The following MEIOSIN variants were observed in gnomAD, a reference collection of about 807,000 sequenced individuals.
The protein encoded by MEIOSIN is meiosis initiator.
Under a neutral mutation model 23.4 loss-of-function variants are expected in MEIOSIN, and 18 were observed. The observed-to-expected ratio is 0.77, with a 90% CI of 0.53 to 1.14. The LOEUF is 1.14. Among genes scored for constraint, MEIOSIN ranks in the 50% most tolerant of loss-of-function variants. MEIOSIN has a pLI of 0.00. For missense variants in MEIOSIN, 428 were observed against 242.9 expected (o/e 1.76, Z -5.07); for synonymous variants, 187 against 100.6 (o/e 1.86, Z -5.14).
chr19:45,740,974 G>A (rs893501729), intron 3 of MEIOSIN, among the ~76,000 whole-genome samples: 6 of 151,884 alleles, frequency 4.0e-5, no homozygotes, highest in African/African-American at 1.2e-4. Flanking sequence ...ATTATTCCAG[G>A]ACTTAAGGGA....
In MEIOSIN at chr19:45,750,716, C is replaced by G. The variant is rs1450431348; in HGVS notation, c.348C>G (p.Leu116=). 1.6e-6 allele frequency: 1 copy of G among 641,824 alleles called. No individual in the cohort carries two copies. Among genetic ancestry groups the G allele is most frequent in the East Asian group, 3.0e-5 (1 of 33,394 alleles). 39.8% of individuals were successfully genotyped at this position (641,824 alleles called of 1,614,324 possible). A position where few individuals can be genotyped will look rare whatever the true frequency, so the allele number is the denominator to read the frequency against. ...LVHVLQYIQY[L]QRNIDAAKAL... ...ATGTCCTGCAGTACATTCAGTACCT[C>G]CAGAGAAACATCGATGCCGCCAAGG... The change falls in exon 5 of 15, where the codon CTC becomes CTG. Residue 116 remains leucine (L), a synonymous_variant. Transcript: ENST00000457052.
At chr19:45,742,057 G>A (rs933577126) in intron 3 of MEIOSIN, among the ~76,000 whole-genome samples, 1 of 151,962 alleles carries the variant, frequency 6.6e-6, no homozygotes, top group African/African-American at 2.4e-5. Context: ...TGTATTTTTA[G>A]TAGAGACAAG....
chr19:45,754,434 G>A (rs1968774908), intron 6 of MEIOSIN, 45 bp from the exon 7 acceptor site: 1 of 678,100 alleles, frequency 1.5e-6, no homozygotes, highest in East Asian at 2.7e-5. Flanking sequence ...GTGACAGGCA[G>A]GTGACTCCCA....
chr19:45,735,238 G>A, intron 1 of MEIOSIN, 139 bp from the exon 2 acceptor site: 2 of 556,022 alleles, frequency 3.6e-6, no homozygotes, highest in East Asian at 6.0e-5. Context: ...ATAATTTGTT[G>A]GGGCTAGGGA....
intron 5 of MEIOSIN, among the ~76,000 whole-genome samples, chr19:45,753,322 C>T (rs1447959155): frequency 6.6e-6 from 1 of 152,082 alleles, no homozygotes; most frequent in East Asian, 1.9e-4. Context: ...GCTAGGAGAC[C>T]CTCACTGTGT....
chr19:45,756,080 T>TAA lies in MEIOSIN; in HGVS notation c.911+3_911+4dup. ...CAACAAGACCCAGCCCCATCCCAGG[T>TAA]AAGGGCGTCCCCAGGGCACTGAGTG... On this transcript the variant is annotated splice_region_variant and intron_variant, in intron 8 of 14. Transcript: ENST00000457052. 1.4e-6 allele frequency: 1 copy of TAA among 702,666 alleles called. No homozygotes were observed. Among genetic ancestry groups the TAA allele is most frequent in the Non-Finnish European group, 2.6e-6 (1 of 384,942 alleles). The allele number at this position is 702,666 out of a possible 1,614,324, so 43.5% of individuals were successfully genotyped here. A position where few individuals can be genotyped will look rare whatever the true frequency, so the allele number is the denominator to read the frequency against.
chr19:45,735,248 A>G, intron 1 of MEIOSIN, 129 bp from the exon 2 acceptor site: 2 of 605,622 alleles, frequency 3.3e-6, no homozygotes, highest in South Asian at 3.9e-5. Flanking sequence ...GGGGCTAGGG[A>G]CTCTTATTTT....
chr19:45,739,326 T>C (rs1968460911), intron 2 of MEIOSIN, among the ~76,000 whole-genome samples: 1 of 152,026 alleles, frequency 6.6e-6, no homozygotes, highest in Non-Finnish European at 1.5e-5. Context: ...AATTTTCTCA[T>C]AGTTTTAGTG....
Position 45,735,732 on chromosome 19 carries a change from A to C in MEIOSIN, c.71+285A>C, listed in dbSNP as rs147627653. On this transcript the variant is annotated intron_variant, in intron 2 of 14. Transcript: ENST00000457052. Reference sequence around the variant, plus strand: ...ACTCCTGTTGCCCAGGCTGGAGTGCAGTGTTGCGATCCCAGCTCACTGCAA... The same window carrying C: ...ACTCCTGTTGCCCAGGCTGGAGTGCCGTGTTGCGATCCCAGCTCACTGCAA... Among the ~76,000 whole-genome samples the C allele has an allele frequency of 2.0e-3, 311 of 152,166 alleles. 3 individuals carry two copies. The highest frequency in any genetic ancestry group is 7.2e-3 in the African/African-American group (301 of 41,522).
intron 3 of MEIOSIN, among the ~76,000 whole-genome samples, chr19:45,743,469 C>G (rs1269357107): frequency 6.6e-6 from 1 of 152,126 alleles, no homozygotes; most frequent in East Asian, 1.9e-4. Flanking sequence ...CCCAACACCC[C>G]CTTGGCTCAA....
At chr19:45,763,069 C>T (rs1235816756) in intron 13 of MEIOSIN, among the ~76,000 whole-genome samples, 2 of 149,900 alleles carry the variant, frequency 1.3e-5, no homozygotes, top group Non-Finnish European at 2.9e-5. Flanking sequence ...GATGGGGAGG[C>T]CCCCCCCAAG....
chr19:45,740,678 A>G (rs2146175704), intron 3 of MEIOSIN, among the ~76,000 whole-genome samples: 1 of 151,902 alleles, frequency 6.6e-6, no homozygotes, highest in East Asian at 1.9e-4. Flanking sequence ...TGAACCCAGG[A>G]GACGGAGGTT....
chr19:45,751,221 G>A (rs3930022), intron 5 of MEIOSIN, among the ~76,000 whole-genome samples: 1,733 of 150,960 alleles, frequency 0.011, 38 homozygotes, highest in African/African-American at 0.041. Flanking sequence ...GCTGTGAGCC[G>A]AGATCACGCC....
chr19:45,752,033 G>GTTTTTT (rs36122176), intron 5 of MEIOSIN, among the ~76,000 whole-genome samples: 1 of 64,112 alleles, frequency 1.6e-5, no homozygotes, highest in Non-Finnish European at 2.8e-5. Context: ...GCTCCTAGCC[G>GTTTTTT]TTTTTTTTTT....
rs965516618 is a variant in MEIOSIN at position 45,739,741 on chromosome 19, C to T, written c.176+11C>T. The stretch of plus-strand genomic sequence containing the variant: ...CAAAGGAAAACTGAGGTACTGTTAA[C>T]AGAAAAGGGGGGATTGGATGTTGGC... On this transcript the variant is annotated intron_variant, in intron 3 of 14. Coordinates refer to ENST00000457052, the MANE Select transcript of MEIOSIN (RefSeq NM_001310124.2). The T allele has an allele frequency of 5.7e-6, 4 of 703,492 alleles. No individual in the cohort carries two copies. The African/African-American group carries it at 7.0e-5, about 12-fold the overall frequency. The allele number at this position is 703,492 out of a possible 1,614,324, so 43.6% of individuals were successfully genotyped here.
chr19:45,754,184 C>T (rs1445102115), intron 6 of MEIOSIN, among the ~76,000 whole-genome samples: 6 of 152,160 alleles, frequency 3.9e-5, no homozygotes, highest in African/African-American at 1.4e-4. Flanking sequence ...GCCATGTTGG[C>T]CAGGCTGGTC....
chr19:45,757,388 T>C (rs1711947883), intron 9 of MEIOSIN, 111 bp downstream of exon 9: 1 of 613,428 alleles, frequency 1.6e-6, no homozygotes, highest in Non-Finnish European at 3.0e-6. Flanking sequence ...GGAGATCCCC[T>C]AAGCACAGGG....
chr19:45,745,709 G>A (rs1353938701), intron 4 of MEIOSIN, among the ~76,000 whole-genome samples: 2 of 152,120 alleles, frequency 1.3e-5, no homozygotes, highest in Non-Finnish European at 2.9e-5. Context: ...TGGGACTACA[G>A]GCACAGGCCA....
chr19:45,761,232 C>A (rs1441878604), intron 11 of MEIOSIN, among the ~76,000 whole-genome samples: 2 of 151,216 alleles, frequency 1.3e-5, no homozygotes, highest in East Asian at 3.9e-4. Context: ...TTAAGCGATT[C>A]TTGTGCCTCA....
Sources: allele counts gnomAD v4.1 joint callset (sites outside exome capture counted in the v4.1 genomes callset), GRCh38; gene constraint gnomAD v4.1.1; transcripts MANE v1.5; gene names NCBI Gene and HGNC (gene_info 2026-07-23, HGNC 2026-07-21).